PTK2B: variants seen among roughly 807,000 people sequenced by gnomAD.
PTK2B encodes protein tyrosine kinase 2 beta.
PTK2B carries 71 observed loss-of-function variants against 142.9 expected under a neutral mutation model. The observed-to-expected ratio is 0.50, with a 90% confidence interval of 0.41 to 0.61. PTK2B has a LOEUF of 0.61. Among genes scored for constraint, PTK2B ranks in the 20% least tolerant of loss-of-function variants. PTK2B has a pLI of 0.00. For missense variants in PTK2B, 1,105 were observed against 1,320.4 expected, an observed-to-expected ratio of 0.84 and a Z score of 2.53; for synonymous variants, 519 against 503.4, an observed-to-expected ratio of 1.03 and a Z score of -0.42.
At chr8:27,321,089 G>T (rs188072841), upstream of PTK2B, among the ~76,000 whole-genome samples, 49 of 141,008 alleles carry the variant, frequency 3.5e-4, no homozygotes, top group African/African-American at 1.3e-3. Flanking sequence ...CAGTCTCCTG[G>T]GCTCAAGCAA....
chr8:27,430,688 G>T (rs1810355520), intron 7 of PTK2B, among the ~76,000 whole-genome samples, 188 bp from the exon 8 acceptor site: 1 of 152,178 alleles, frequency 6.6e-6, no homozygotes, highest in Non-Finnish European at 1.5e-5. Context: ...AACCTCCTTC[G>T]TAGGGTTACG....
At chr8:27,445,715 G>A in intron 23 of PTK2B, 79 bp from the exon 24 acceptor site, 1 of 1,584,538 alleles carries the variant, frequency 6.3e-7, no homozygotes, top group Non-Finnish European at 8.6e-7. Context: ...TAGTTTCTTT[G>A]TGCTCGTGTT....
intron 1 of PTK2B, among the ~76,000 whole-genome samples, chr8:27,347,955 A>G (rs761467129): frequency 6.6e-6 from 1 of 152,212 alleles, no homozygotes; most frequent in African/African-American, 2.4e-5. Context: ...TTAAACACCC[A>G]CAGAGATGGG....
At chr8:27,433,644 G>A in intron 11 of PTK2B, 92 bp downstream of exon 11, 1 of 1,078,082 alleles carries the variant, frequency 9.3e-7, no homozygotes, top group Non-Finnish European at 1.4e-6. Context: ...AGCCACTGAT[G>A]GATAAGTGAA....
intron 1 of PTK2B, among the ~76,000 whole-genome samples, chr8:27,340,584 C>G (rs780392654): frequency 3.3e-5 from 5 of 152,206 alleles, no homozygotes; most frequent in Non-Finnish European, 1.5e-5. Context: ...ATAGGATAGG[C>G]AGTTGCAAGA....
At chr8:27,386,524 A>AGC in intron 1 of PTK2B, among the ~76,000 whole-genome samples, 1 of 152,080 alleles carries the variant, frequency 6.6e-6, no homozygotes, top group Admixed American at 6.5e-5. Context: ...AGCATTTTCA[A>AGC]CTGCTGAGGG....
intron 12 of PTK2B, 139 bp downstream of exon 12, chr8:27,434,271 C>A: frequency 8.3e-7 from 1 of 1,198,348 alleles, no homozygotes; most frequent in Non-Finnish European, 1.2e-6. Flanking sequence ...GATGATCTTT[C>A]CCTCCCAATA....
At chr8:27,368,919 G>T (rs561269092) in intron 1 of PTK2B, among the ~76,000 whole-genome samples, 1 of 152,170 alleles carries the variant, frequency 6.6e-6, no homozygotes, top group African/African-American at 2.4e-5. Flanking sequence ...TGGGCAGGGC[G>T]GAAGTGGAAA....
In PTK2B at chr8:27,363,637, GTCC is replaced by G. The variant is rs1805848947; in HGVS notation, c.-37-33906_-37-33904del. 6.6e-6 allele frequency among the ~76,000 whole-genome samples: 1 copy of G among 152,132 alleles called. No homozygotes were observed. ...GGGTCTACCCCTGCCCTTCTTGCAA[GTCC>G]TCCTTTTTCTCATCATGGACCTCCT... On this transcript the variant is annotated intron_variant, in intron 1 of 30. Coordinates refer to ENST00000346049, the MANE Select transcript of PTK2B (RefSeq NM_173176.3). The surrounding 1 kb of genome is among the most constrained non-coding windows in gnomAD (Gnocchi z 4.3).
In PTK2B at chr8:27,366,880, G is replaced by A. The variant is rs144935208; in HGVS notation, c.-37-30668G>A. Reference sequence around the variant, plus strand: ...CAGAGGAGAGGGTGTGGGGGAGGGAGGAGCTGCAGCCTCAGACACAGAATT... The same window carrying A: ...CAGAGGAGAGGGTGTGGGGGAGGGAAGAGCTGCAGCCTCAGACACAGAATT... On this transcript the variant is annotated intron_variant, in intron 1 of 30. Coordinates refer to ENST00000346049, the MANE Select transcript of PTK2B (RefSeq NM_173176.3). Among the ~76,000 whole-genome samples the A allele has an allele frequency of 2.7e-3, 411 of 152,098 alleles. 6 individuals carry two copies. The highest frequency in any genetic ancestry group is 8.7e-3 in the African/African-American group (363 of 41,492).
chr8:27,452,764 G>A lies in PTK2B; in HGVS notation c.2549-350G>A, dbSNP rs1586362811. The stretch of plus-strand genomic sequence containing the variant: ...TCAGGGGCACCACAGACACCTGCTG[G>A]CATCAGAGAGAGAGGTTTCTTCCTT... On this transcript the variant is annotated intron_variant, in intron 27 of 30. Transcript: ENST00000346049. 3 of 285,588 alleles carry A rather than the reference G, an allele frequency of 1.1e-5. No individual in the cohort carries two copies. The East Asian group carries it at 1.9e-4, about 18-fold the overall frequency. The allele number at this position is 285,588 out of a possible 1,614,324, so 17.7% of individuals were successfully genotyped here.
intron 2 of PTK2B, among the ~76,000 whole-genome samples, chr8:27,417,663 A>G (rs1306703526): frequency 1.3e-5 from 2 of 152,234 alleles, no homozygotes; most frequent in African/African-American, 2.4e-5. Context: ...TTGATGAAGC[A>G]AGAAGGCAGA....
At chr8:27,440,918 G>T (rs1811121674) in intron 21 of PTK2B, among the ~76,000 whole-genome samples, 1 of 152,056 alleles carries the variant, frequency 6.6e-6, no homozygotes, top group Non-Finnish European at 1.5e-5. Flanking sequence ...GCCCGTCGGT[G>T]CCCAGGAGCC....
intron 1 of PTK2B, among the ~76,000 whole-genome samples, chr8:27,334,793 C>G (rs144297908): frequency 3.3e-5 from 5 of 152,144 alleles, no homozygotes; most frequent in Non-Finnish European, 7.4e-5. Flanking sequence ...GGCCACATCC[C>G]GAGTCTCTTG....
intron 1 of PTK2B, among the ~76,000 whole-genome samples, chr8:27,325,984 G>C (rs1803387816): frequency 1.3e-5 from 2 of 152,108 alleles, no homozygotes; most frequent in Non-Finnish European, 2.9e-5. Context: ...AGGGGTGACG[G>C]TGTGAGGGCA....
intron 5 of PTK2B, 131 bp downstream of exon 5, chr8:27,422,514 G>T (rs1304482935): frequency 1.2e-6 from 1 of 860,536 alleles, no homozygotes; most frequent in South Asian, 2.0e-5. Flanking sequence ...GTGGTGACCG[G>T]CAGCAGGTGA....
chr8:27,439,642 A>G (rs544350518), intron 20 of PTK2B, among the ~76,000 whole-genome samples: 5 of 151,870 alleles, frequency 3.3e-5, no homozygotes, highest in South Asian at 2.1e-4. Context: ...CTCTTGTGAC[A>G]TGTGTGCTCC....
intron 2 of PTK2B, among the ~76,000 whole-genome samples, chr8:27,415,149 T>A (rs1308636040): frequency 6.6e-6 from 1 of 152,182 alleles, no homozygotes; most frequent in African/African-American, 2.4e-5. Flanking sequence ...TCTAATTTAA[T>A]CCTCATAAAA....
chr8:27,325,756 T>A (rs754612883), intron 1 of PTK2B, 75 bp downstream of exon 1: 1 of 152,294 alleles, frequency 6.6e-6, no homozygotes, highest in Admixed American at 6.5e-5. Flanking sequence ...TGGCAGGGGT[T>A]GGGGACAATT....
Sources: gnomAD v4.1 joint callset for allele counts (sites outside exome capture counted in the v4.1 genomes callset) on GRCh38, gnomAD v4.1.1 for gene constraint, Gnocchi (gnomAD v3.1) non-coding constraint, MANE v1.5 for transcripts, NCBI Gene and HGNC (gene_info 2026-07-23, HGNC 2026-07-21) for gene names.